Variants in ATP10B observed in about 807,000 individuals in gnomAD.
The protein encoded by ATP10B is ATPase phospholipid transporting 10B (putative), also known as phospholipid-transporting ATPase VB.
In ATP10B, 122 loss-of-function variants were observed where a neutral mutation model predicts 141.2. The observed-to-expected ratio is 0.86, with a 90% CI of 0.75 to 1.00. The LOEUF (loss-of-function observed/expected upper bound fraction) is 1.00. Among genes scored for constraint, ATP10B ranks in the 50% least tolerant of loss-of-function variants. The probability of loss-of-function intolerance (pLI) is 0.00; values close to 1 mark genes in which losing one functional copy is unlikely to be tolerated. For synonymous variants in ATP10B, 685 were observed against 692.0 expected, an observed-to-expected ratio of 0.99 and a Z score of 0.16; for missense variants, 1,876 against 1,825.3, an observed-to-expected ratio of 1.03 and a Z score of -0.51.
rs1263940549 is a variant in ATP10B at position 160,563,919 on chromosome 5, C to A, written c.*1534G>T. ...CCCACCAGCTGGCTAGTGCTGGCAT[C>A]ATTATATGGCAGAGGCAGTGAAACA... On this transcript the variant is annotated 3_prime_UTR_variant, in exon 26 of 26. Transcript: ENST00000327245. 1 of 152,214 alleles carries A rather than the reference C, an allele frequency of 6.6e-6. No individual in the cohort carries two copies. The highest frequency in any genetic ancestry group is 1.5e-5 in the Non-Finnish European group (1 of 68,054). The allele number at this position is 152,214 out of a possible 1,614,324, so 9.4% of individuals were successfully genotyped here. A position where few individuals can be genotyped will look rare whatever the true frequency, so the allele number is the denominator to read the frequency against.
chr5:160,917,148 C>T, the ATP10B span, among the ~76,000 whole-genome samples: 1 of 152,114 alleles, frequency 6.6e-6, no homozygotes, highest in Non-Finnish European at 1.5e-5. Flanking sequence ...TAATCTCCTC[C>T]TGCCTGTCCA....
chr5:160,615,894 C>G lies in ATP10B; in HGVS notation c.2597G>C (p.Arg866Pro), dbSNP rs375402151. Residue 866 changes from arginine (R) to proline (P), a missense_variant, in exon 17 of 26, where the codon CGA (arginine) becomes CCA (proline). Arg to Pro is a moderately radical substitution (Grantham distance 103, BLOSUM62 -2). Coordinates refer to ENST00000327245, the MANE Select transcript of ATP10B (RefSeq NM_025153.3). ...TGCAGTTTCCATGAGAAGCTCATCT[C>G]GGTTGTCGAGGGATGCCTCAGCCTC... ...RREAEASLDN[R>P]DELLMETAQH... The G allele has an allele frequency of 6.2e-7, 1 of 1,613,946 alleles. No homozygotes were observed. The highest frequency in any genetic ancestry group is 8.5e-7 in the Non-Finnish European group (1 of 1,179,882).
intron 2 of ATP10B, among the ~76,000 whole-genome samples, chr5:160,785,352 C>G (rs141299669): frequency 6.6e-6 from 1 of 152,096 alleles, no homozygotes; most frequent in Non-Finnish European, 1.5e-5. Context: ...AAACCATTTA[C>G]TTGGCATCTG....
chr5:160,733,622 TACACATATATGTA>T (rs1424313389), intron 2 of ATP10B, among the ~76,000 whole-genome samples: 5 of 151,908 alleles, frequency 3.3e-5, no homozygotes, highest in Admixed American at 6.6e-5. Context: ...ACACATATAT[TACACATATATGTA>T]ACACATATGT....
At chr5:160,893,358 G>C in the ATP10B span, among the ~76,000 whole-genome samples, 3 of 152,120 alleles carry the variant, frequency 2.0e-5, no homozygotes, top group South Asian at 2.1e-4. Context: ...GAGCTTGGTG[G>C]GGGGAGGGGT....
rs377609347 is a variant in ATP10B at position 160,704,277 on chromosome 5, G to T, written c.-205+12632C>A. ...TGCCTATGTTGCCTAGACTGATCTT[G>T]AACTCCTGACCTCAAGTGATCCTTC... On this transcript the variant is annotated intron_variant, in intron 3 of 25. Transcript: ENST00000327245. 2.0e-5 allele frequency among the ~76,000 whole-genome samples: 3 copies of T among 151,876 alleles called. No individual in the cohort carries two copies. The South Asian group carries it at 6.2e-4, about 32-fold the overall frequency.
chr5:160,602,592 G>T lies in ATP10B; in HGVS notation c.3348C>A (p.Tyr1116Ter). The T allele has an allele frequency of 1.2e-6, 2 of 1,613,970 alleles. No individual in the cohort carries two copies. The highest frequency in any genetic ancestry group is 1.7e-6 in the Non-Finnish European group (2 of 1,179,906). Residue 1116 changes from tyrosine (Y) to a stop codon, truncating the protein, a stop_gained, in exon 21 of 26, where the codon TAC (tyrosine) becomes TAA (stop). Coordinates refer to ENST00000327245, the MANE Select transcript of ATP10B (RefSeq NM_025153.3). LOFTEE classifies it high-confidence loss of function. ...GGCTACTTACCACGTTCTTGTAGAG[G>T]TAGTACACCACCATCCTGGCCAGGC... ...YSRLARMVVY[Y>*]LYKNVCYVNL...
intron 4 of ATP10B, 95 bp from the exon 5 acceptor site, chr5:160,688,189 A>T: frequency 3.7e-6 from 5 of 1,335,774 alleles, no homozygotes; most frequent in Non-Finnish European, 4.0e-6. Context: ...AGACACTGAA[A>T]GTAGTCTTAA....
chr5:160,624,758 A>G (rs1411485730), intron 13 of ATP10B, among the ~76,000 whole-genome samples: 1 of 152,214 alleles, frequency 6.6e-6, no homozygotes, highest in Non-Finnish European at 1.5e-5. Context: ...ACTAAAACCC[A>G]TAGAGACAGG....
intron 1 of ATP10B, among the ~76,000 whole-genome samples, chr5:160,795,086 T>A (rs1771845675): frequency 6.6e-6 from 1 of 152,182 alleles, no homozygotes; most frequent in South Asian, 2.1e-4. Flanking sequence ...AGGTTGGAGG[T>A]CCATGATAAA....
intron 7 of ATP10B, among the ~76,000 whole-genome samples, chr5:160,662,258 C>T (rs2127714316): frequency 6.6e-6 from 1 of 152,312 alleles, no homozygotes; most frequent in African/African-American, 2.4e-5. Flanking sequence ...CCCCATCAAG[C>T]TACCAATGAC....
chr5:160,905,053 T>C, the ATP10B span, among the ~76,000 whole-genome samples: 1 of 152,260 alleles, frequency 6.6e-6, no homozygotes, highest in Non-Finnish European at 1.5e-5. Context: ...CTAGCAGTTA[T>C]TGAACAGTAA....
At position 160,653,606 on chromosome 5, in the gene ATP10B, C is replaced by CATATATATT. The variant is rs1561705171; in HGVS notation, c.676-4351_676-4350insAATATATAT. Among the ~76,000 whole-genome samples the CATATATATT allele has an allele frequency of 3.0e-3, 113 of 37,096 alleles. 4 individuals are homozygous for CATATATATT. Among genetic ancestry groups the CATATATATT allele is most frequent in the Non-Finnish European group, 8.8e-3 (102 of 11,604 alleles). 24.3% of individuals were successfully genotyped at this position (37,096 alleles called of 152,430 possible). On this transcript the variant is annotated intron_variant, in intron 7 of 25. Coordinates refer to ENST00000327245, the MANE Select transcript of ATP10B (RefSeq NM_025153.3). The stretch of plus-strand genomic sequence containing the variant: ...ACATATATACATATATACATATATA[C>CATATATATT]ATATATACATATATATTATATATAC...
intron 6 of ATP10B, among the ~76,000 whole-genome samples, chr5:160,679,554 G>A (rs1272256622): frequency 6.6e-6 from 1 of 152,208 alleles, no homozygotes; most frequent in Non-Finnish European, 1.5e-5. Context: ...GCAGGTGGGT[G>A]GGTCACCACA....
intron 1 of ATP10B, among the ~76,000 whole-genome samples, chr5:160,789,098 C>A (rs2127902623): frequency 6.6e-6 from 1 of 152,288 alleles, no homozygotes; most frequent in South Asian, 2.1e-4. Context: ...TGAGTGCACA[C>A]ACCTCATGTA....
Position 160,620,492 on chromosome 5 carries a change from G to A in ATP10B, c.2271C>T (p.Thr757=), listed in dbSNP as rs764166052. The A allele has an allele frequency of 1.3e-5, 21 of 1,614,104 alleles. No individual in the cohort carries two copies. The South Asian group carries it at 2.1e-4, about 16-fold the overall frequency. ...AGCCCAGGGTGCAGAGGAGGCTGAA[G>A]GTGAGGCAGGTGCCCTGGGGCAGGC... ...TVRLPQGTCL[T]FSLLCTLGFD... The change falls in exon 15 of 26, where the codon ACC becomes ACT. Residue 757 remains threonine, a synonymous_variant. Transcript: ENST00000327245.
At chr5:160,894,349 A>T in the ATP10B span, among the ~76,000 whole-genome samples, 1 of 152,080 alleles carries the variant, frequency 6.6e-6, no homozygotes, top group East Asian at 1.9e-4. Context: ...CAGTTTAGAG[A>T]AGAATACAAA....
chr5:160,827,898 G>A (rs1423827775), intron 1 of ATP10B, among the ~76,000 whole-genome samples: 1 of 152,100 alleles, frequency 6.6e-6, no homozygotes, highest in Non-Finnish European at 1.5e-5. Context: ...TCAGATAGTT[G>A]CAGATATGTG....
intron 18 of ATP10B, among the ~76,000 whole-genome samples, chr5:160,608,538 G>A (rs953299029): frequency 1.3e-4 from 20 of 151,984 alleles, no homozygotes; most frequent in African/African-American, 4.8e-4. Flanking sequence ...TAGTTTACAC[G>A]CCCACCGATA....
Sources: allele counts gnomAD v4.1 joint callset (sites outside exome capture counted in the v4.1 genomes callset), GRCh38; gene constraint gnomAD v4.1.1; transcripts MANE v1.5; gene names NCBI Gene and HGNC (gene_info 2026-07-23, HGNC 2026-07-21).